The following MMP26 variants were observed in gnomAD, a reference collection of about 807,000 sequenced individuals.
The protein encoded by MMP26 is matrix metalloproteinase-26.
In MMP26, 33 loss-of-function variants were observed where a neutral mutation model predicts 31.0. The ratio of observed to expected loss-of-function variants is 1.06; its 90% CI spans 0.81 to 1.42. The LOEUF is 1.42. Among genes scored for constraint, MMP26 ranks in the 40% most tolerant of loss-of-function variants. The probability of loss-of-function intolerance (pLI) is 0.00; values close to 1 mark genes in which losing one functional copy is unlikely to be tolerated. For missense variants in MMP26, 347 were observed against 316.1 expected, an observed-to-expected ratio of 1.10 and a Z score of -0.74; for synonymous variants, 122 against 114.9, an observed-to-expected ratio of 1.06 and a Z score of -0.40.
intron 2 of MMP26, among the ~76,000 whole-genome samples, chr11:4,884,092 A>G (rs751289982): frequency 3.3e-5 from 5 of 152,114 alleles, no homozygotes; most frequent in Non-Finnish European, 7.4e-5. Flanking sequence ...TTGGGCTCCA[A>G]TCCCCTTTAC....
chr11:4,949,823 A>G (rs114152412), intron 2 of MMP26, among the ~76,000 whole-genome samples: 2,056 of 95,348 alleles, frequency 0.022, 467 homozygotes, highest in African/African-American at 0.066. Context: ...TAAAGAGATA[A>G]AACACTAAAC....
chr11:4,721,967 C>T lies in MMP26; in HGVS notation c.-217+16922C>T, dbSNP rs1337423164. Among the ~76,000 whole-genome samples the T allele has an allele frequency of 5.9e-5, 9 of 152,308 alleles. No individual in the cohort carries two copies. The East Asian group carries it at 9.6e-4, about 16-fold the overall frequency. On this transcript the variant is annotated intron_variant, in intron 1 of 7. Coordinates refer to ENST00000380390, the MANE Select transcript of MMP26 (RefSeq NM_021801.5). ...TGTGATACTGTTTGGATCTCTGTCC[C>T]GACCCAAATCTCATGTTGAAATGTA...
intron 2 of MMP26, among the ~76,000 whole-genome samples, chr11:4,880,338 G>T (rs1259001885): frequency 6.6e-6 from 1 of 152,092 alleles, no homozygotes; most frequent in East Asian, 1.9e-4. Context: ...GGCAGGGGGA[G>T]TTTTTTAAAA....
chr11:4,899,342 A>C (rs1242172432), intron 2 of MMP26, among the ~76,000 whole-genome samples: 1 of 152,172 alleles, frequency 6.6e-6, no homozygotes, highest in Non-Finnish European at 1.5e-5. Context: ...CACGATCATG[A>C]AAAGTTTGTG....
intron 2 of MMP26, chr11:4,847,804 C>T (rs1331408615): frequency 2.0e-5 from 3 of 153,806 alleles, no homozygotes; most frequent in Admixed American, 1.3e-4. Flanking sequence ...AGAATTCTTA[C>T]TTCTTAAGGA....
chr11:4,991,844 C>T lies in MMP26; in HGVS notation c.596-120C>T, dbSNP rs1564821222. ...CTCCTTGCCTACCTTTTCCTTTACC[C>T]TGTAACATTTGCCCTTTCCTCGTTT... is the stretch of plus-strand genomic sequence containing the variant. On this transcript the variant is annotated intron_variant, in intron 6 of 7. Coordinates refer to ENST00000380390, the MANE Select transcript of MMP26 (RefSeq NM_021801.5). 3 of 938,314 alleles carry T rather than the reference C, an allele frequency of 3.2e-6. No homozygotes were observed. In the East Asian group the frequency reaches 8.1e-5, roughly 25 times the overall value. The allele number at this position is 938,314 out of a possible 1,614,324, so 58.1% of individuals were successfully genotyped here.
At chr11:4,932,010 A>G (rs113342804) in intron 2 of MMP26, among the ~76,000 whole-genome samples, 2,230 of 152,184 alleles carry the variant, frequency 0.015, 49 homozygotes, top group African/African-American at 0.049. Context: ...GTAGCAGCTC[A>G]ACAAGAATGC....
At chr11:4,882,373 A>C (rs1589928387) in intron 2 of MMP26, 1 of 1,613,690 alleles carries the variant, frequency 6.2e-7, no homozygotes, top group South Asian at 1.1e-5. Flanking sequence ...CAGTTTTCTT[A>C]CTTCCCCTTC....
intron 2 of MMP26, among the ~76,000 whole-genome samples, chr11:4,786,193 A>T (rs1232829807): frequency 2.0e-5 from 3 of 152,142 alleles, no homozygotes; most frequent in Non-Finnish European, 4.4e-5. Flanking sequence ...TCCAGGGAAG[A>T]GGAGAGCTGA....
chr11:4,801,037 T>C (rs1421941663), intron 2 of MMP26, among the ~76,000 whole-genome samples: 1 of 152,208 alleles, frequency 6.6e-6, no homozygotes, highest in Non-Finnish European at 1.5e-5. Flanking sequence ...CAAGTTCATG[T>C]GGACTTAGTT....
intron 1 of MMP26, among the ~76,000 whole-genome samples, chr11:4,750,917 T>A (rs1848439911): frequency 6.6e-6 from 1 of 151,992 alleles, no homozygotes; most frequent in Non-Finnish European, 1.5e-5. Context: ...AAATCTATTT[T>A]TTTTTAAAGA....
intron 3 of MMP26, among the ~76,000 whole-genome samples, chr11:4,988,741 A>G (rs1035466492): frequency 6.6e-6 from 1 of 152,196 alleles, no homozygotes; most frequent in Non-Finnish European, 1.5e-5. Flanking sequence ...ATTTCTAAAA[A>G]AATTATGAAT....
At chr11:4,822,362 C>G in intron 2 of MMP26, 1 of 1,475,282 alleles carries the variant, frequency 6.8e-7, no homozygotes, top group Non-Finnish European at 9.0e-7. Context: ...CAGAAGCACT[C>G]CAAATCTAAT....
intron 2 of MMP26, among the ~76,000 whole-genome samples, chr11:4,852,111 A>G (rs558970722): frequency 6.6e-6 from 1 of 152,238 alleles, no homozygotes; most frequent in South Asian, 2.1e-4. Flanking sequence ...TATATACCCC[A>G]CAAAAATACG....
intron 2 of MMP26, among the ~76,000 whole-genome samples, chr11:4,854,021 A>G (rs1850013431): frequency 6.6e-6 from 1 of 152,240 alleles, no homozygotes; most frequent in Admixed American, 6.5e-5. Flanking sequence ...CAAAAATTGC[A>G]TGGTCATCTC....
chr11:4,792,653 CCGAT>C (rs1849045151), intron 2 of MMP26, among the ~76,000 whole-genome samples: 1 of 152,112 alleles, frequency 6.6e-6, no homozygotes, highest in African/African-American at 2.4e-5. Flanking sequence ...ACACGAAAAT[CCGAT>C]AGAGAGTTAA....
At chr11:4,896,551 G>A (rs1850706098) in intron 2 of MMP26, among the ~76,000 whole-genome samples, 2 of 152,156 alleles carry the variant, frequency 1.3e-5, no homozygotes, top group African/African-American at 4.8e-5. Context: ...ACATCAAAGA[G>A]AGTCTACTTA....
intron 2 of MMP26, among the ~76,000 whole-genome samples, chr11:4,793,240 G>GAT: frequency 6.6e-6 from 1 of 152,142 alleles, no homozygotes. Flanking sequence ...AATTTCATCG[G>GAT]ATATTACCCC....
intron 1 of MMP26, among the ~76,000 whole-genome samples, chr11:4,733,996 TTTGCA>T (rs1189856253): frequency 6.6e-6 from 1 of 152,208 alleles, no homozygotes; most frequent in Non-Finnish European, 1.5e-5. Context: ...TTAAATCAAC[TTTGCA>T]TTCTTGGAAT....
Sources: gnomAD v4.1 joint callset for allele counts (sites outside exome capture counted in the v4.1 genomes callset) on GRCh38, gnomAD v4.1.1 for gene constraint, MANE v1.5 for transcripts, NCBI Gene and HGNC (gene_info 2026-07-23, HGNC 2026-07-21) for gene names.